Variants in CCSER1 observed in about 807,000 individuals in gnomAD.
CCSER1 encodes serine-rich coiled-coil domain-containing protein 1.
CCSER1 carries 41 observed loss-of-function variants against 82.0 expected under a neutral mutation model. The observed-to-expected ratio is 0.50, with a 90% CI of 0.39 to 0.65. The LOEUF is 0.65. CCSER1 is among the 30% of genes least tolerant of loss of function. The pLI, the probability that CCSER1 is intolerant of heterozygous loss-of-function variation, is 0.00. For missense variants in CCSER1, 1,119 were observed against 1,064.2 expected, an observed-to-expected ratio of 1.05 and a Z score of -0.72; for synonymous variants, 414 against 383.9, an observed-to-expected ratio of 1.08 and a Z score of -0.92.
At chr4:91,116,297 C>T (rs564372702) in intron 10 of CCSER1, among the ~76,000 whole-genome samples, 1 of 152,070 alleles carries the variant, frequency 6.6e-6, no homozygotes, top group Non-Finnish European at 1.5e-5. Context: ...GCTGGAAATC[C>T]CTGGCTTTTT....
intron 10 of CCSER1, among the ~76,000 whole-genome samples, chr4:91,561,151 T>C (rs962498127): frequency 6.6e-6 from 1 of 151,430 alleles, no homozygotes; most frequent in Admixed American, 6.6e-5. Flanking sequence ...AAAATTGTGT[T>C]CTCAAAGTGT....
chr4:90,879,687 G>GA (rs139423416), intron 8 of CCSER1, among the ~76,000 whole-genome samples: 6 of 143,268 alleles, frequency 4.2e-5, no homozygotes, highest in South Asian at 4.5e-4. Context: ...AGAAGAAGAA[G>GA]AGGAAGAAGA....
intron 7 of CCSER1, among the ~76,000 whole-genome samples, chr4:90,777,445 A>C (rs2149592734): frequency 1.3e-5 from 2 of 149,982 alleles, no homozygotes; most frequent in South Asian, 2.1e-4. Context: ...TCCTTGACTT[A>C]GTTTTCTTCT....
At chr4:90,263,562 G>A (rs573370354) in intron 1 of CCSER1, among the ~76,000 whole-genome samples, 71 of 152,276 alleles carry the variant, frequency 4.7e-4, no homozygotes, top group African/African-American at 1.2e-3. Context: ...GTTGATAGCC[G>A]AAGTCACACA....
chr4:90,357,969 C>T (rs957126019), intron 3 of CCSER1, among the ~76,000 whole-genome samples: 1 of 151,838 alleles, frequency 6.6e-6, no homozygotes, highest in African/African-American at 2.4e-5. Flanking sequence ...AAGGCCTTAT[C>T]CCCCAAATTA....
At chr4:91,055,606 GT>G (rs1274038028) in intron 9 of CCSER1, among the ~76,000 whole-genome samples, 1 of 152,076 alleles carries the variant, frequency 6.6e-6, no homozygotes, top group Non-Finnish European at 1.5e-5. Flanking sequence ...TGATTATAAT[GT>G]GTCTCAATGT....
intron 5 of CCSER1, among the ~76,000 whole-genome samples, chr4:90,498,863 C>T (rs114664572): frequency 0.015 from 2,212 of 152,022 alleles, 32 homozygotes; most frequent in African/African-American, 0.043. Flanking sequence ...AGAGAAGTGC[C>T]ACTTAACAAT....
At chr4:90,749,065 G>T (rs1156564657) in intron 7 of CCSER1, among the ~76,000 whole-genome samples, 1 of 151,596 alleles carries the variant, frequency 6.6e-6, no homozygotes, top group African/African-American at 2.4e-5. Context: ...GTCAATTTTG[G>T]CTTTTGTTGC....
In CCSER1 at chr4:91,601,398, T is replaced by C. The variant is rs973817143; in HGVS notation, c.*2341T>C. 2 of 152,098 alleles carry C rather than the reference T, an allele frequency of 1.3e-5. No homozygotes were observed. Among genetic ancestry groups the C allele is most frequent in the African/African-American group, 2.4e-5 (1 of 41,452 alleles). 9.4% of individuals were successfully genotyped at this position (152,098 alleles called of 1,614,324 possible). ...CTGTTTTGTATCAGTATTTTCAACA[T>C]TGTTATAATATTATTTGTAATACTA... is the stretch of plus-strand genomic sequence containing the variant. On this transcript the variant is annotated 3_prime_UTR_variant, in exon 11 of 11. Coordinates refer to ENST00000509176, the MANE Select transcript of CCSER1 (RefSeq NM_001145065.2).
intron 4 of CCSER1, among the ~76,000 whole-genome samples, chr4:90,435,999 A>T (rs1322161232): frequency 6.6e-6 from 1 of 152,112 alleles, no homozygotes; most frequent in African/African-American, 2.4e-5. Flanking sequence ...AATGGCGTAT[A>T]ATGTTCCCAA....
intron 10 of CCSER1, among the ~76,000 whole-genome samples, chr4:91,251,952 A>C (rs1740290393): frequency 6.6e-6 from 1 of 152,190 alleles, no homozygotes; most frequent in South Asian, 2.1e-4. Context: ...AAATTTCTCA[A>C]ATTTGATGAA....
At chr4:90,758,264 T>G (rs764375959) in intron 7 of CCSER1, among the ~76,000 whole-genome samples, 2 of 152,136 alleles carry the variant, frequency 1.3e-5, no homozygotes, top group African/African-American at 2.4e-5. Context: ...ATGCTCCTAT[T>G]AAGAAGAAAA....
At chr4:91,283,447 G>T (rs1026239958) in intron 10 of CCSER1, among the ~76,000 whole-genome samples, 1 of 152,034 alleles carries the variant, frequency 6.6e-6, no homozygotes, top group Non-Finnish European at 1.5e-5. Flanking sequence ...TTGAGAAAAT[G>T]TTTGCATCAG....
chr4:90,747,897 G>A (rs1457068055), intron 7 of CCSER1, among the ~76,000 whole-genome samples: 2 of 149,604 alleles, frequency 1.3e-5, no homozygotes, highest in African/African-American at 2.5e-5. Flanking sequence ...GTGAGAATAT[G>A]CCATGTTTGG....
chr4:91,264,065 C>T (rs1741389269), intron 10 of CCSER1, among the ~76,000 whole-genome samples: 1 of 151,844 alleles, frequency 6.6e-6, no homozygotes. Flanking sequence ...GTACCCGAAC[C>T]ATAAATATGT....
intron 10 of CCSER1, among the ~76,000 whole-genome samples, chr4:91,243,655 C>T (rs1046989890): frequency 3.3e-5 from 5 of 152,184 alleles, no homozygotes; most frequent in African/African-American, 9.7e-5. Flanking sequence ...CATTTCTAGA[C>T]ATTCCCTGGG....
intron 7 of CCSER1, among the ~76,000 whole-genome samples, chr4:90,755,252 CAAGT>C (rs1217811113): frequency 6.6e-5 from 10 of 152,084 alleles, no homozygotes; most frequent in Non-Finnish European, 1.3e-4. Context: ...TATTGATAAA[CAAGT>C]AAGAGTCAGT....
intron 5 of CCSER1, among the ~76,000 whole-genome samples, chr4:90,533,165 C>T (rs1403258999): frequency 6.9e-6 from 1 of 145,684 alleles, no homozygotes; most frequent in African/African-American, 2.6e-5. Flanking sequence ...GATCTCGGCT[C>T]ACTGCAAGCT....
At chr4:90,145,915 C>T (rs962264417) in intron 1 of CCSER1, among the ~76,000 whole-genome samples, 2 of 151,902 alleles carry the variant, frequency 1.3e-5, no homozygotes, top group Non-Finnish European at 2.9e-5. Context: ...ACCTTTTTTT[C>T]CCTGTGACAT....
Sources: allele counts gnomAD v4.1 joint callset (sites outside exome capture counted in the v4.1 genomes callset), GRCh38; gene constraint gnomAD v4.1.1; transcripts MANE v1.5; gene names NCBI Gene and HGNC (gene_info 2026-07-23, HGNC 2026-07-21).